The following TMEM132C variants were observed in gnomAD, a reference collection of about 807,000 sequenced individuals.
The protein encoded by TMEM132C is transmembrane protein 132C.
A neutral mutation model predicts 61.4 loss-of-function variants in TMEM132C; 29 were observed. The observed-to-expected ratio is 0.47, with a 90% confidence interval of 0.35 to 0.64. TMEM132C has a LOEUF of 0.64. TMEM132C is among the 30% of genes least tolerant of loss of function. The pLI, the probability that TMEM132C is intolerant of heterozygous loss-of-function variation, is 0.00. For synonymous variants in TMEM132C, 656 were observed against 633.1 expected, an observed-to-expected ratio of 1.04 and a Z score of -0.54; for missense variants, 1,408 against 1,476.9, an observed-to-expected ratio of 0.95 and a Z score of 0.76.
chr12:128,562,342 T>C (rs1874553034), intron 3 of TMEM132C, among the ~76,000 whole-genome samples: 1 of 152,226 alleles, frequency 6.6e-6, no homozygotes, highest in African/African-American at 2.4e-5. Flanking sequence ...ACCTCTTACT[T>C]CTTTTCTCAA....
At chr12:128,416,633 A>T (rs868278252) in intron 2 of TMEM132C, among the ~76,000 whole-genome samples, 1 of 152,198 alleles carries the variant, frequency 6.6e-6, no homozygotes, top group Non-Finnish European at 1.5e-5. Context: ...TAACTTTTGT[A>T]ATATAGCTAT....
At chr12:128,498,573 G>C (rs1038997741) in intron 2 of TMEM132C, among the ~76,000 whole-genome samples, 2 of 152,076 alleles carry the variant, frequency 1.3e-5, no homozygotes, top group Non-Finnish European at 2.9e-5. Context: ...TACTCAGGAG[G>C]CTGAGGCAAG....
At chr12:128,438,051 A>G (rs1425930993) in intron 2 of TMEM132C, 1 of 152,146 alleles carries the variant, frequency 6.6e-6, no homozygotes, top group African/African-American at 2.4e-5. Context: ...GGTGGAAATA[A>G]TCTTCTTTGG....
chr12:128,567,576 T>C (rs1430038962), intron 3 of TMEM132C, among the ~76,000 whole-genome samples: 1 of 152,138 alleles, frequency 6.6e-6, no homozygotes, highest in African/African-American at 2.4e-5. Context: ...TTAATATAAT[T>C]TGTCTTTGTC....
chr12:128,275,866 G>A (rs889161757), intron 1 of TMEM132C, among the ~76,000 whole-genome samples: 1 of 152,154 alleles, frequency 6.6e-6, no homozygotes, highest in African/African-American at 2.4e-5. Context: ...ATCATATGTT[G>A]TCAGGGCCAT....
At chr12:128,312,747 C>T (rs1287094522) in intron 1 of TMEM132C, among the ~76,000 whole-genome samples, 1 of 152,202 alleles carries the variant, frequency 6.6e-6, no homozygotes, top group Non-Finnish European at 1.5e-5. Flanking sequence ...GACTTCTGGC[C>T]TCTAGAACTG....
chr12:128,483,316 AGAGGAGGGGAGG>A (rs1871377164), intron 2 of TMEM132C, among the ~76,000 whole-genome samples: 3 of 74,842 alleles, frequency 4.0e-5, no homozygotes, highest in Admixed American at 1.5e-4. Context: ...AGGTGAGGGG[AGAGGAGGGGAGG>A]GTGGAGGAAG....
At chr12:128,430,788 A>G (rs1869356967) in intron 2 of TMEM132C, among the ~76,000 whole-genome samples, 1 of 152,230 alleles carries the variant, frequency 6.6e-6, no homozygotes, top group African/African-American at 2.4e-5. Flanking sequence ...TTGGGGCACC[A>G]TGAACTGTGC....
At chr12:128,664,705 G>A (rs781577639) in intron 4 of TMEM132C, among the ~76,000 whole-genome samples, 19 of 152,226 alleles carry the variant, frequency 1.2e-4, no homozygotes, top group Non-Finnish European at 2.6e-4. Context: ...GCAGCTAGCA[G>A]TGTAAGCCTT....
At chr12:128,417,730 T>C (rs1017618952) in intron 2 of TMEM132C, among the ~76,000 whole-genome samples, 2 of 152,202 alleles carry the variant, frequency 1.3e-5, no homozygotes, top group African/African-American at 4.8e-5. Context: ...TCTGTCAATA[T>C]TGAATATTAC....
intron 3 of TMEM132C, among the ~76,000 whole-genome samples, chr12:128,580,107 C>T (rs187244123): frequency 6.6e-6 from 1 of 152,230 alleles, no homozygotes; most frequent in East Asian, 1.9e-4. Context: ...TCTCTCCAAG[C>T]CTCAGTTCCC....
At chr12:128,581,518 A>G (rs1365001520) in intron 3 of TMEM132C, among the ~76,000 whole-genome samples, 1 of 152,180 alleles carries the variant, frequency 6.6e-6, no homozygotes. Context: ...GATTCTCATC[A>G]CAGCAGTTAC....
chr12:128,629,035 GA>G (rs1179656127), intron 4 of TMEM132C, among the ~76,000 whole-genome samples: 1 of 151,936 alleles, frequency 6.6e-6, no homozygotes, highest in Admixed American at 6.5e-5. Context: ...TATTTTGGAG[GA>G]AAAAAATGGG....
chr12:128,383,693 C>T (rs1452600728), intron 1 of TMEM132C, among the ~76,000 whole-genome samples: 6 of 152,162 alleles, frequency 3.9e-5, no homozygotes, highest in African/African-American at 1.4e-4. Context: ...GTTTCTGGAG[C>T]TTGCTTGAAT....
intron 1 of TMEM132C, among the ~76,000 whole-genome samples, chr12:128,296,307 A>G (rs1871413128): frequency 6.6e-6 from 1 of 152,114 alleles, no homozygotes; most frequent in African/African-American, 2.4e-5. Context: ...TTAAAAAGCA[A>G]CTCCAGAAGT....
At chr12:128,442,903 T>C (rs559807155) in intron 2 of TMEM132C, among the ~76,000 whole-genome samples, 22 of 152,322 alleles carry the variant, frequency 1.4e-4, no homozygotes, top group African/African-American at 4.3e-4. Flanking sequence ...CCCCAGTTCC[T>C]GGCAATTGGA....
At chr12:128,407,732 G>T (rs1875397077) in intron 1 of TMEM132C, among the ~76,000 whole-genome samples, 1 of 152,198 alleles carries the variant, frequency 6.6e-6, no homozygotes, top group African/African-American at 2.4e-5. Context: ...GAGGCACGCT[G>T]TCACTTCTTC....
intron 2 of TMEM132C, among the ~76,000 whole-genome samples, chr12:128,529,522 G>T (rs916110335): frequency 5.3e-5 from 8 of 152,134 alleles, no homozygotes; most frequent in African/African-American, 1.9e-4. Flanking sequence ...GGTGGCTTAC[G>T]CTTGTAATCC....
In TMEM132C at chr12:128,278,920, C is replaced by A. The variant is rs1870787764; in HGVS notation, c.85+11433C>A. On this transcript the variant is annotated intron_variant, in intron 1 of 8. Transcript: ENST00000435159. This position sits in a 1 kb window ranked among gnomAD's most constrained non-coding sequence, Gnocchi z 4.2. ...CACCCCTAGAAGACAAGAAGGAATT[C>A]TGCCAGTCGACAGCATTTGGACGTG... Among the ~76,000 whole-genome samples, 1 of 152,190 alleles carries A rather than the reference C, an allele frequency of 6.6e-6. No individual in the cohort carries two copies. The highest frequency in any genetic ancestry group is 6.5e-5 in the Admixed American group (1 of 15,274).
Sources: gnomAD v4.1 joint callset for allele counts (sites outside exome capture counted in the v4.1 genomes callset) on GRCh38, gnomAD v4.1.1 for gene constraint, Gnocchi (gnomAD v3.1) non-coding constraint, MANE v1.5 for transcripts, NCBI Gene and HGNC (gene_info 2026-07-23, HGNC 2026-07-21) for gene names.